The following KCNMA1 variants were observed in gnomAD, a reference collection of about 807,000 sequenced individuals.
KCNMA1 encodes Calcium-activated potassium channel subunit alpha-1.
KCNMA1 carries 29 observed loss-of-function variants against 140.0 expected under a neutral mutation model. That is an observed-to-expected ratio of 0.21 (90% CI 0.15 to 0.28). The LOEUF (loss-of-function observed/expected upper bound fraction) is 0.28. Ranked by LOEUF, KCNMA1 falls within the 10% of genes least tolerant of loss-of-function variation. KCNMA1 has a pLI of 1.00. For missense variants in KCNMA1, 880 were observed against 1,602.2 expected, an observed-to-expected ratio of 0.55 and a Z score of 7.70; for synonymous variants, 612 against 611.9, an observed-to-expected ratio of 1.00 and a Z score of 0.00.
intron 1 of KCNMA1, among the ~76,000 whole-genome samples, chr10:77,585,430 G>C (rs1055598398): frequency 6.6e-6 from 1 of 152,158 alleles, no homozygotes; most frequent in African/African-American, 2.4e-5. Context: ...AAAATTACTG[G>C]AGTAAGAGGA....
intron 5 of KCNMA1, among the ~76,000 whole-genome samples, chr10:77,170,517 GGGAGAAGGTCAGAGGTGAGGCTCCATCC>G: frequency 6.8e-6 from 1 of 146,322 alleles, no homozygotes; most frequent in Middle Eastern, 3.6e-3. Context: ...CTCCATCCCT[GGGAGAAGGTCAGAGGTGAGGCTCCATCC>G]CTGGGAGAAG....
intron 4 of KCNMA1, among the ~76,000 whole-genome samples, chr10:77,184,062 T>A (rs1278926858): frequency 1.4e-5 from 2 of 147,912 alleles, no homozygotes; most frequent in South Asian, 2.2e-4. Flanking sequence ...ATGTACGCAT[T>A]CACACACACA....
chr10:77,012,102 A>T lies in KCNMA1; in HGVS notation c.2016-59T>A. ...CATAATCCACCCAAATGAAATGAGT[A>T]CCACATTTCCTCCACGGTGGTGCCA... On this transcript the variant is annotated intron_variant, in intron 17 of 27. Coordinates refer to ENST00000286628, the MANE Select transcript of KCNMA1 (RefSeq NM_001161352.2). 1.9e-6 allele frequency: 3 copies of T among 1,609,912 alleles called. No individual in the cohort carries two copies. The South Asian group carries it at 3.3e-5, about 18-fold the overall frequency.
chr10:77,254,261 G>A lies in KCNMA1; in HGVS notation c.541-3005C>T, dbSNP rs189490210. Among the ~76,000 whole-genome samples the A allele has an allele frequency of 5.1e-3, 736 of 143,014 alleles. 2 individuals carry two copies. Among genetic ancestry groups the A allele is most frequent in the Non-Finnish European group, 6.3e-3 (420 of 66,644 alleles). The allele number at this position is 143,014 out of a possible 152,430, so 93.8% of individuals were successfully genotyped here. On this transcript the variant is annotated intron_variant, in intron 2 of 27. Transcript: ENST00000286628. ...TTTTTAGACAGATCCTCGTTCTGTC[G>A]CCCAGGCTGGAGTGCAGTGGCGCGA... is the stretch of plus-strand genomic sequence containing the variant.
intron 2 of KCNMA1, among the ~76,000 whole-genome samples, chr10:77,346,115 C>T (rs989721499): frequency 3.3e-5 from 5 of 152,168 alleles, no homozygotes; most frequent in South Asian, 2.1e-4. Context: ...GTCTTCATGA[C>T]GAACCTTGAA....
At chr10:77,398,971 T>C (rs768641851) in intron 2 of KCNMA1, among the ~76,000 whole-genome samples, 5 of 152,004 alleles carry the variant, frequency 3.3e-5, no homozygotes, top group Non-Finnish European at 5.9e-5. Context: ...AAATTCCAAA[T>C]AGGAGTAAGA....
At chr10:77,114,053 A>G (rs2097390814) in intron 6 of KCNMA1, among the ~76,000 whole-genome samples, 1 of 152,180 alleles carries the variant, frequency 6.6e-6, no homozygotes. Flanking sequence ...AGCTCCATCC[A>G]TGTGGCTAAG....
intron 1 of KCNMA1, among the ~76,000 whole-genome samples, chr10:77,425,648 G>T (rs1013724721): frequency 6.6e-6 from 1 of 152,322 alleles, no homozygotes; most frequent in East Asian, 1.9e-4. Flanking sequence ...TGTCCAGGTG[G>T]CAGGACTTCT....
chr10:77,298,617 T>TG (rs950495394), intron 2 of KCNMA1, among the ~76,000 whole-genome samples: 3 of 43,428 alleles, frequency 6.9e-5, no homozygotes, highest in African/African-American at 3.6e-4. Flanking sequence ...GCACCCTAAC[T>TG]GAAAAAAAAA....
At chr10:77,529,317 A>G (rs1225225270) in intron 1 of KCNMA1, among the ~76,000 whole-genome samples, 1 of 151,222 alleles carries the variant, frequency 6.6e-6, no homozygotes, top group Non-Finnish European at 1.5e-5. Flanking sequence ...CCAGGAGTGC[A>G]GCCCCTGCCA....
chr10:77,557,901 C>T (rs1176340182), intron 1 of KCNMA1, among the ~76,000 whole-genome samples: 9 of 152,094 alleles, frequency 5.9e-5, no homozygotes, highest in South Asian at 2.1e-4. Context: ...CTGCCGGCCT[C>T]GGGCTCCCCT....
At chr10:76,989,052 T>A (rs2082053771) in intron 19 of KCNMA1, among the ~76,000 whole-genome samples, 1 of 152,178 alleles carries the variant, frequency 6.6e-6, no homozygotes, top group South Asian at 2.1e-4. Context: ...GGGCCATTTG[T>A]AGAGACACTG....
In KCNMA1 at chr10:77,400,060, A is replaced by G. The variant is rs549924746; in HGVS notation, c.540+3802T>C. On this transcript the variant is annotated intron_variant, in intron 2 of 27. Transcript: ENST00000286628. Reference sequence around the variant, plus strand: ...TAAAAATTGAAACGGGAAACTGAATAGCCAGCTGTCTGGTCTTGCTTTGGT... The same window carrying G: ...TAAAAATTGAAACGGGAAACTGAATGGCCAGCTGTCTGGTCTTGCTTTGGT... Among the ~76,000 whole-genome samples, 10 of 152,242 alleles carry G rather than the reference A, an allele frequency of 6.6e-5. No individual in the cohort carries two copies. The East Asian group carries it at 1.3e-3, about 21-fold the overall frequency.
At chr10:77,581,527 G>A (rs554486015) in intron 1 of KCNMA1, among the ~76,000 whole-genome samples, 6 of 152,052 alleles carry the variant, frequency 3.9e-5, no homozygotes, top group Admixed American at 6.6e-5. Flanking sequence ...GGATGGTCTC[G>A]ATCTCCTGAC....
At chr10:77,053,325 C>T (rs2095435799) in intron 14 of KCNMA1, among the ~76,000 whole-genome samples, 1 of 152,334 alleles carries the variant, frequency 6.6e-6, no homozygotes, top group South Asian at 2.1e-4. Context: ...TTTTCATTAA[C>T]ATATGGGAAA....
At chr10:77,077,309 G>T (rs1223533398) in intron 13 of KCNMA1, among the ~76,000 whole-genome samples, 3 of 152,190 alleles carry the variant, frequency 2.0e-5, no homozygotes, top group Non-Finnish European at 2.9e-5. Flanking sequence ...AAGTGATTCT[G>T]CCCAACCCCA....
rs1475626033 is a variant in KCNMA1, at chr10:77,295,928, A to G, written c.541-44672T>C. Among the ~76,000 whole-genome samples the G allele has an allele frequency of 4.0e-5, 6 of 151,868 alleles. No individual in the cohort carries two copies. In the South Asian group the frequency reaches 1.2e-3, roughly 31 times the overall value. On this transcript the variant is annotated intron_variant, in intron 2 of 27. Transcript: ENST00000286628. Reference sequence around the variant, plus strand: ...AACTTTTTTTTATTTTTACAAGTACATACTTAATCTCTTTAAAAGTAATTT... The same window carrying G: ...AACTTTTTTTTATTTTTACAAGTACGTACTTAATCTCTTTAAAAGTAATTT...
chr10:77,480,368 C>A (rs1021520028), intron 1 of KCNMA1, among the ~76,000 whole-genome samples: 1 of 152,220 alleles, frequency 6.6e-6, no homozygotes, highest in African/African-American at 2.4e-5. Context: ...GCAGGCAAAT[C>A]CCAGTCATAA....
intron 2 of KCNMA1, among the ~76,000 whole-genome samples, chr10:77,287,469 T>G (rs1428385101): frequency 4.6e-5 from 7 of 152,332 alleles, no homozygotes; most frequent in African/African-American, 1.7e-4. Flanking sequence ...TCCAGAAGCT[T>G]GCTCAGTGAT....
Sources: allele counts gnomAD v4.1 joint callset (sites outside exome capture counted in the v4.1 genomes callset), GRCh38; gene constraint gnomAD v4.1.1; transcripts MANE v1.5; gene names NCBI Gene and HGNC (gene_info 2026-07-23, HGNC 2026-07-21).